NTM: variants seen among roughly 807,000 people sequenced by gnomAD.
NTM encodes the protein IgLON family member 2.
In NTM, 13 loss-of-function variants were observed where a neutral mutation model predicts 42.1. That is an observed-to-expected ratio of 0.31 (90% CI 0.20 to 0.49). The LOEUF (loss-of-function observed/expected upper bound fraction) is 0.49, where lower values mean the gene tolerates loss of function less well. NTM is among the 20% of genes least tolerant of loss of function. The pLI is 0.99. For synonymous variants in NTM, 187 were observed against 179.2 expected (o/e 1.04, Z -0.35); for missense variants, 373 against 452.8 (o/e 0.82, Z 1.60).
intron 1 of NTM, among the ~76,000 whole-genome samples, chr11:131,575,757 C>A (rs1233146226): frequency 6.6e-6 from 1 of 152,082 alleles, no homozygotes; most frequent in African/African-American, 2.4e-5. Flanking sequence ...AAAAAGACTT[C>A]GAAGTGCAGA....
chr11:131,858,009 C>A (rs2046270864), intron 1 of NTM, among the ~76,000 whole-genome samples: 1 of 151,884 alleles, frequency 6.6e-6, no homozygotes, highest in South Asian at 2.1e-4. Context: ...ACCCCTCTCT[C>A]TGCCTACTCC....
At chr11:132,268,613 CTG>C (rs148055985) in intron 4 of NTM, among the ~76,000 whole-genome samples, 98 of 146,200 alleles carry the variant, frequency 6.7e-4, no homozygotes, top group African/African-American at 1.5e-3. Flanking sequence ...GTGGTCTCCT[CTG>C]TGTGTGTGTG....
At chr11:132,246,103 TAGC>T (rs1188618955) in intron 4 of NTM, among the ~76,000 whole-genome samples, 20 of 152,266 alleles carry the variant, frequency 1.3e-4, no homozygotes, top group African/African-American at 4.8e-4. Context: ...ACAGCCTCCT[TAGC>T]AGCACTGAGC....
intron 4 of NTM, among the ~76,000 whole-genome samples, chr11:132,294,277 A>C (rs2094543140): frequency 6.6e-6 from 1 of 151,744 alleles, no homozygotes; most frequent in Non-Finnish European, 1.5e-5. Flanking sequence ...TGGCTCTCTC[A>C]CACTCCCCTC....
intron 1 of NTM, among the ~76,000 whole-genome samples, chr11:131,487,680 T>A (rs944184452): frequency 1.8e-4 from 28 of 152,170 alleles, no homozygotes; most frequent in African/African-American, 6.5e-4. Context: ...CTAAAAGGAA[T>A]GTGGAGACAC....
intron 2 of NTM, among the ~76,000 whole-genome samples, chr11:131,956,608 G>A (rs1383059115): frequency 6.6e-6 from 1 of 151,934 alleles, no homozygotes; most frequent in Non-Finnish European, 1.5e-5. Flanking sequence ...CGGGGGGTTG[G>A]GGGTGGGGGA....
intron 1 of NTM, among the ~76,000 whole-genome samples, chr11:131,598,919 C>CCTTCCTTT (rs1414778593): frequency 2.1e-4 from 29 of 139,980 alleles, no homozygotes; most frequent in Admixed American, 9.9e-4. Flanking sequence ...TTCCTTCCTT[C>CCTTCCTTT]CTTCTTTCCT....
rs2077601370 is a variant in NTM at position 131,715,506 on chromosome 11, A to C, written c.83-196058A>C. On this transcript the variant is annotated intron_variant, in intron 1 of 8. Coordinates refer to ENST00000683400, the MANE Select transcript of NTM (RefSeq NM_001352005.2). ...AACTGATATATAATAAAGAACAAAT[A>C]TTTAAAGTGTGCAATTTGATAAGTT... Among the ~76,000 whole-genome samples, 3 of 152,254 alleles carry C rather than the reference A, an allele frequency of 2.0e-5. No individual in the cohort carries two copies. In the South Asian group the frequency reaches 6.2e-4, roughly 32 times the overall value.
chr11:131,903,018 C>T (rs2053382902), intron 1 of NTM, among the ~76,000 whole-genome samples: 1 of 151,826 alleles, frequency 6.6e-6, no homozygotes, highest in African/African-American at 2.4e-5. Context: ...GAGTCTAAAC[C>T]ATGAAGTCCA....
chr11:131,945,006 G>A (rs2060195114), intron 2 of NTM, among the ~76,000 whole-genome samples: 1 of 152,140 alleles, frequency 6.6e-6, no homozygotes, highest in Non-Finnish European at 1.5e-5. Context: ...CTGGAGTTTT[G>A]AACTAAACAC....
intron 1 of NTM, among the ~76,000 whole-genome samples, chr11:131,722,478 T>G (rs2078484303): frequency 6.6e-6 from 1 of 150,636 alleles, no homozygotes; most frequent in Non-Finnish European, 1.5e-5. Context: ...ATTGAACACT[T>G]ACTTTAATTC....
At chr11:131,794,101 A>T (rs1237802473) in intron 1 of NTM, among the ~76,000 whole-genome samples, 3 of 152,210 alleles carry the variant, frequency 2.0e-5, no homozygotes, top group East Asian at 3.9e-4. Context: ...AGGCAGGGAC[A>T]TGCTGCTTGT....
chr11:132,027,495 G>A (rs981362609), intron 2 of NTM, among the ~76,000 whole-genome samples: 4 of 152,098 alleles, frequency 2.6e-5, no homozygotes, highest in Non-Finnish European at 5.9e-5. Context: ...CACCTTTGAC[G>A]AATAATTTTG....
chr11:132,167,167 G>C (rs897627990), intron 3 of NTM, among the ~76,000 whole-genome samples: 1 of 152,020 alleles, frequency 6.6e-6, no homozygotes, highest in African/African-American at 2.4e-5. Flanking sequence ...CATGTACAAT[G>C]ATGAGCAAAA....
At chr11:131,472,246 C>T (rs1591767118) in intron 1 of NTM, among the ~76,000 whole-genome samples, 1 of 152,150 alleles carries the variant, frequency 6.6e-6, no homozygotes, top group African/African-American at 2.4e-5. Flanking sequence ...GGGTATCCCC[C>T]CTGCATGGTG....
chr11:131,964,433 C>T (rs927613063), intron 2 of NTM, among the ~76,000 whole-genome samples: 3 of 152,084 alleles, frequency 2.0e-5, no homozygotes, highest in Non-Finnish European at 2.9e-5. Flanking sequence ...CAAAATAAGC[C>T]AGGGCATAGC....
chr11:131,894,213 C>T (rs4937667), intron 1 of NTM, among the ~76,000 whole-genome samples: 18,643 of 152,200 alleles, frequency 0.12, 1,258 homozygotes, highest in Middle Eastern at 0.14. Flanking sequence ...CACATGCTTG[C>T]CTAATTAGGA....
intron 4 of NTM, among the ~76,000 whole-genome samples, chr11:132,251,563 G>A (rs994870988): frequency 6.6e-6 from 1 of 152,160 alleles, no homozygotes; most frequent in African/African-American, 2.4e-5. Context: ...ATGAGGAAAG[G>A]GCAAGGCATG....
At chr11:131,450,932 G>A (rs1177318333) in intron 1 of NTM, among the ~76,000 whole-genome samples, 1 of 152,056 alleles carries the variant, frequency 6.6e-6, no homozygotes, top group African/African-American at 2.4e-5. Context: ...CAGAACTTAG[G>A]AGTGCAAAGG....
Sources: gnomAD v4.1 joint callset for allele counts (sites outside exome capture counted in the v4.1 genomes callset) on GRCh38, gnomAD v4.1.1 for gene constraint, MANE v1.5 for transcripts, NCBI Gene and HGNC (gene_info 2026-07-23, HGNC 2026-07-21) for gene names.